Variants in ADCY2 observed in about 807,000 individuals in gnomAD.
ADCY2 encodes the protein adenylate cyclase type 2.
A neutral mutation model predicts 125.2 loss-of-function variants in ADCY2; 31 were observed. That is an observed-to-expected ratio of 0.25 (90% CI 0.19 to 0.33). ADCY2 has a LOEUF of 0.33. Among genes scored for constraint, ADCY2 ranks in the 10% least tolerant of loss-of-function variants. ADCY2 has a pLI of 1.00. For missense variants in ADCY2, 904 were observed against 1,418.2 expected (o/e 0.64, Z 5.82); for synonymous variants, 512 against 548.4 (o/e 0.93, Z 0.93).
intron 2 of ADCY2, among the ~76,000 whole-genome samples, chr5:7,456,737 C>G (rs925976390): frequency 1.2e-4 from 19 of 152,134 alleles, no homozygotes; most frequent in African/African-American, 3.6e-4. Flanking sequence ...GAGGAATAAT[C>G]TATTGTTTTC....
chr5:7,426,411 G>C (rs1015369362), intron 2 of ADCY2, among the ~76,000 whole-genome samples: 1 of 152,174 alleles, frequency 6.6e-6, no homozygotes, highest in African/African-American at 2.4e-5. Context: ...TGTCTGGCGA[G>C]AATGGCTCTC....
At chr5:7,729,152 C>T (rs1309883104) in intron 14 of ADCY2, among the ~76,000 whole-genome samples, 1 of 152,138 alleles carries the variant, frequency 6.6e-6, no homozygotes, top group Non-Finnish European at 1.5e-5. Flanking sequence ...GCTTCTTGTT[C>T]TGTGACTTCT....
Position 7,709,351 on chromosome 5 carries a change from C to A in ADCY2, c.1542C>A (p.Asp514Glu). 6.2e-7 allele frequency: 1 copy of A among 1,611,208 alleles called. No homozygotes were observed. The highest frequency in any genetic ancestry group is 1.1e-5 in the South Asian group (1 of 90,540). ...CCTTTGCACACCTACATCACAGGGA[C>A]AGCATGACCACAGAGAACGGCAAGA... ...AKPFAHLHHR[D>E]SMTTENGKIS... Residue 514 changes from aspartate (D) to glutamate (E), a missense_variant, in exon 10 of 25, where the codon GAC (aspartate) becomes GAA (glutamate). Around this residue, in one of 7 missense-constraint regions of ADCY2, gnomAD observed 144 missense variants for 227.7 expected, o/e 0.63. Coordinates refer to ENST00000338316, the MANE Select transcript of ADCY2 (RefSeq NM_020546.3). The surrounding 1 kb of genome is among the most constrained non-coding windows in gnomAD (Gnocchi z 4.4).
intron 17 of ADCY2, among the ~76,000 whole-genome samples, chr5:7,771,370 A>G (rs1743553386): frequency 6.6e-6 from 1 of 152,194 alleles, no homozygotes; most frequent in African/African-American, 2.4e-5. Context: ...GCAGCTAAGA[A>G]ACTGTGCTTA....
chr5:7,739,992 A>G (rs186641773), intron 14 of ADCY2, among the ~76,000 whole-genome samples: 1 of 152,134 alleles, frequency 6.6e-6, no homozygotes, highest in East Asian at 1.9e-4. Flanking sequence ...AAAATAAGAT[A>G]GAAAGAATTG....
intron 18 of ADCY2, among the ~76,000 whole-genome samples, chr5:7,783,003 G>A (rs934277337): frequency 2.0e-5 from 3 of 151,918 alleles, no homozygotes; most frequent in South Asian, 2.1e-4. Flanking sequence ...CTCCAGCTGC[G>A]GCAGGTTTGG....
At chr5:7,646,897 T>G (rs1036441247) in intron 4 of ADCY2, among the ~76,000 whole-genome samples, 1 of 152,192 alleles carries the variant, frequency 6.6e-6, no homozygotes, top group African/African-American at 2.4e-5. Context: ...TCGGCCACCA[T>G]CTTGAAGGCC....
At chr5:7,819,503 A>G (rs1302137875) in intron 23 of ADCY2, among the ~76,000 whole-genome samples, 2 of 152,208 alleles carry the variant, frequency 1.3e-5, no homozygotes, top group African/African-American at 4.8e-5. Flanking sequence ...ACCTCCTTCC[A>G]GTGGTGTTTA....
intron 1 of ADCY2, among the ~76,000 whole-genome samples, chr5:7,414,302 T>C (rs1166276274): frequency 6.6e-6 from 1 of 152,220 alleles, no homozygotes; most frequent in African/African-American, 2.4e-5. Flanking sequence ...ATAAAATCCA[T>C]TTCTGCATTT....
At chr5:7,550,907 T>C (rs985309878) in intron 3 of ADCY2, among the ~76,000 whole-genome samples, 1 of 152,170 alleles carries the variant, frequency 6.6e-6, no homozygotes, top group African/African-American at 2.4e-5. Flanking sequence ...TTTGTACCCT[T>C]CTTTTCTCAC....
rs187777946 is a variant in ADCY2, at chr5:7,814,760, C to A, written c.2884-2106C>A. On this transcript the variant is annotated intron_variant, in intron 22 of 24. Coordinates refer to ENST00000338316, the MANE Select transcript of ADCY2 (RefSeq NM_020546.3). ...AGAGTTGGGCTTTCTCTTCACTTTC[C>A]GTAAAGGAAAGTGACCCAAGGTCAG... 1.9e-4 allele frequency among the ~76,000 whole-genome samples: 29 copies of A among 152,236 alleles called. No homozygotes were observed. The East Asian group carries it at 5.0e-3, about 26-fold the overall frequency.
At chr5:7,641,377 C>G (rs796360313) in intron 4 of ADCY2, among the ~76,000 whole-genome samples, 11 of 152,256 alleles carry the variant, frequency 7.2e-5, no homozygotes, top group African/African-American at 2.6e-4. Context: ...CCAAGCACCT[C>G]AAACTTAAAT....
At position 7,480,093 on chromosome 5, in the gene ADCY2, T is replaced by C. The variant is rs184904408; in HGVS notation, c.409-40645T>C. ...ATCTCACATAAGTCAGGATGGCTAC[T>C]ATTAAACAGTCAAAAAATAACAGAT... On this transcript the variant is annotated intron_variant, in intron 2 of 24. Transcript: ENST00000338316. 5.7e-4 allele frequency among the ~76,000 whole-genome samples: 87 copies of C among 152,270 alleles called. 1 individual carries two copies. The South Asian group carries it at 0.017, about 30-fold the overall frequency.
At chr5:7,782,892 C>G (rs1169584221) in intron 18 of ADCY2, among the ~76,000 whole-genome samples, 1 of 152,226 alleles carries the variant, frequency 6.6e-6, no homozygotes, top group Non-Finnish European at 1.5e-5. Flanking sequence ...GCAACTTCAT[C>G]TTATAAAATC....
intron 3 of ADCY2, among the ~76,000 whole-genome samples, chr5:7,546,216 T>C (rs1237084909): frequency 6.6e-6 from 1 of 152,232 alleles, no homozygotes; most frequent in Non-Finnish European, 1.5e-5. Context: ...CCAGTTCATC[T>C]AATGCTTTCT....
intron 3 of ADCY2, among the ~76,000 whole-genome samples, chr5:7,565,580 A>T (rs146859045): frequency 1.1e-3 from 164 of 152,364 alleles, no homozygotes; most frequent in Admixed American, 3.0e-3. Flanking sequence ...AAACAAAGTC[A>T]TGCTCACACA....
intron 1 of ADCY2, among the ~76,000 whole-genome samples, chr5:7,404,075 A>T (rs1739378451): frequency 6.6e-6 from 1 of 151,860 alleles, no homozygotes; most frequent in Admixed American, 6.6e-5. Flanking sequence ...AGTATTTCTA[A>T]TTTTATTTCT....
At position 7,669,379 on chromosome 5, in the gene ADCY2, G is replaced by A. The variant is rs538648220; in HGVS notation, c.721-21312G>A. On this transcript the variant is annotated intron_variant, in intron 4 of 24. Coordinates refer to ENST00000338316, the MANE Select transcript of ADCY2 (RefSeq NM_020546.3). ...AGGGCTGAGTTTGTACACAAAGCTC[G>A]GGAGACCATTCATTGGGAGAACTGC... Among the ~76,000 whole-genome samples, 3 of 152,236 alleles carry A rather than the reference G, an allele frequency of 2.0e-5. No individual in the cohort carries two copies. In the South Asian group the frequency reaches 6.2e-4, roughly 32 times the overall value.
chr5:7,658,591 G>A (rs781219120), intron 4 of ADCY2, among the ~76,000 whole-genome samples: 33 of 152,012 alleles, frequency 2.2e-4, no homozygotes, highest in Non-Finnish European at 4.0e-4. Flanking sequence ...ACCAAGAAGT[G>A]TATTTACTGC....
Sources: allele counts gnomAD v4.1 joint callset (sites outside exome capture counted in the v4.1 genomes callset), GRCh38; gene constraint gnomAD v4.1.1; regional missense constraint gnomAD v4.1.1; non-coding constraint Gnocchi (gnomAD v3.1); transcripts MANE v1.5; gene names NCBI Gene and HGNC (gene_info 2026-07-23, HGNC 2026-07-21).